The following PRKCH variants were observed in gnomAD, a reference collection of about 807,000 sequenced individuals.
PRKCH encodes protein kinase C eta.
A neutral mutation model predicts 82.5 loss-of-function variants in PRKCH; 28 were observed. The ratio of observed to expected loss-of-function variants is 0.34; its 90% CI spans 0.25 to 0.47. The LOEUF is 0.47. Among genes scored for constraint, PRKCH ranks in the 20% least tolerant of loss-of-function variants. The probability of loss-of-function intolerance (pLI) is 1.00; values close to 1 mark genes in which losing one functional copy is unlikely to be tolerated. For missense variants in PRKCH, 705 were observed against 881.8 expected, an observed-to-expected ratio of 0.80 and a Z score of 2.54; for synonymous variants, 322 against 327.4, an observed-to-expected ratio of 0.98 and a Z score of 0.18.
At chr14:61,329,234 C>CTTTTTTTCTTTTT (rs1476293025) in intron 1 of PRKCH, among the ~76,000 whole-genome samples, 12 of 63,462 alleles carry the variant, frequency 1.9e-4, no homozygotes, top group Non-Finnish European at 2.1e-4. Flanking sequence ...ACTCCTGAGT[C>CTTTTTTTCTTTTT]TTTTTTTTTT....
intron 2 of PRKCH, among the ~76,000 whole-genome samples, chr14:61,408,571 C>T (rs1004305314): frequency 2.0e-5 from 3 of 152,050 alleles, no homozygotes; most frequent in African/African-American, 7.2e-5. Flanking sequence ...CAATGGTTGC[C>T]TTATGTGTAA....
At chr14:61,449,930 A>G (rs887813431) in intron 5 of PRKCH, among the ~76,000 whole-genome samples, 6 of 150,618 alleles carry the variant, frequency 4.0e-5, no homozygotes, top group Admixed American at 1.3e-4. Context: ...GTGTATGTGT[A>G]TAAGCTTCAA....
chr14:61,485,392 A>G, intron 9 of PRKCH, 110 bp from the exon 10 acceptor site: 2 of 1,361,324 alleles, frequency 1.5e-6, no homozygotes, highest in Non-Finnish European at 2.0e-6. Context: ...CCTGGAATAC[A>G]TCCACTTGAC....
intron 10 of PRKCH, among the ~76,000 whole-genome samples, chr14:61,518,539 C>G (rs2042859222): frequency 6.6e-6 from 1 of 152,144 alleles, no homozygotes; most frequent in Non-Finnish European, 1.5e-5. Context: ...GATTGGTACA[C>G]TGAGGATGTT....
At chr14:61,247,767 G>GAAAT (rs2044900429) in intron 1 of PRKCH, among the ~76,000 whole-genome samples, 2 of 119,102 alleles carry the variant, frequency 1.7e-5, no homozygotes, top group East Asian at 5.0e-4. Flanking sequence ...AAGAAAGAAA[G>GAAAT]AAAGGAATTG....
At chr14:61,432,726 C>T (rs968502650) in intron 2 of PRKCH, among the ~76,000 whole-genome samples, 1 of 152,142 alleles carries the variant, frequency 6.6e-6, no homozygotes, top group Non-Finnish European at 1.5e-5. Context: ...TCCAGAAAAG[C>T]CTGCCACCAG....
At chr14:61,229,280 G>T (rs1006619586) in intron 1 of PRKCH, among the ~76,000 whole-genome samples, 2 of 152,156 alleles carry the variant, frequency 1.3e-5, no homozygotes, top group Non-Finnish European at 2.9e-5. Flanking sequence ...TTCATTGAGG[G>T]TTGGTGGGCA....
chr14:61,239,570 C>T (rs766241938), intron 1 of PRKCH, among the ~76,000 whole-genome samples: 3 of 152,246 alleles, frequency 2.0e-5, no homozygotes, highest in Non-Finnish European at 4.4e-5. Flanking sequence ...CTTGCTAAAG[C>T]AGGCTAATGT....
intron 1 of PRKCH, among the ~76,000 whole-genome samples, chr14:61,190,077 G>A (rs995427375): frequency 4.6e-5 from 7 of 152,126 alleles, no homozygotes; most frequent in African/African-American, 1.7e-4. Context: ...TTCTTTATCT[G>A]CAAAACAGAG....
At chr14:61,393,059 G>T (rs998674708) in intron 2 of PRKCH, among the ~76,000 whole-genome samples, 1 of 151,950 alleles carries the variant, frequency 6.6e-6, no homozygotes, top group Non-Finnish European at 1.5e-5. Context: ...TATAATGTGG[G>T]TCTGTTTCTG....
Position 61,435,704 on chromosome 14 carries a change from AAATGAATGAATG to A in PRKCH, c.428-7380_428-7369del, listed in dbSNP as rs3837626. On this transcript the variant is annotated intron_variant, in intron 2 of 13. Transcript: ENST00000332981. ...ATATCAACAAACCTTATCTCAATATAAATGAATGAATGAATGAATGAATGAATGAATGAATGA... is the reference window on the plus strand; with the variant it reads ...ATATCAACAAACCTTATCTCAATATAAATGAATGAATGAATGAATGAATGA... Among the ~76,000 whole-genome samples the A allele has an allele frequency of 4.2e-3, 639 of 150,658 alleles. 2 individuals are homozygous for A. The highest frequency in any genetic ancestry group is 4.3e-3 in the African/African-American group (176 of 40,842).
intron 2 of PRKCH, among the ~76,000 whole-genome samples, chr14:61,417,931 G>T (rs992707469): frequency 1.3e-5 from 2 of 152,198 alleles, no homozygotes; most frequent in African/African-American, 4.8e-5. Flanking sequence ...TTTCTCTACT[G>T]AAAGGGTAGA....
chr14:61,402,708 A>T (rs1394666943), intron 2 of PRKCH, among the ~76,000 whole-genome samples: 1 of 152,120 alleles, frequency 6.6e-6, no homozygotes, highest in Non-Finnish European at 1.5e-5. Context: ...CTGAGGCAGG[A>T]GAATCACTTG....
chr14:61,210,156 A>ATG (rs2044562445), intron 1 of PRKCH, among the ~76,000 whole-genome samples: 1 of 103,436 alleles, frequency 9.7e-6, no homozygotes, highest in Non-Finnish European at 2.0e-5. Context: ...ATATATATAT[A>ATG]TATATAAATT....
At chr14:61,369,146 A>G (rs2046334502) in intron 1 of PRKCH, among the ~76,000 whole-genome samples, 1 of 152,120 alleles carries the variant, frequency 6.6e-6, no homozygotes, top group South Asian at 2.1e-4. Context: ...AACCACTTTC[A>G]GTGGATGCTG....
chr14:61,524,890 A>G (rs544059985), intron 10 of PRKCH, among the ~76,000 whole-genome samples: 8 of 152,330 alleles, frequency 5.3e-5, no homozygotes, highest in Admixed American at 2.0e-4. Flanking sequence ...TCTTGAGTCT[A>G]TCTTTAAGGG....
chr14:61,242,813 T>C (rs995717720), intron 1 of PRKCH, among the ~76,000 whole-genome samples: 16 of 152,192 alleles, frequency 1.1e-4, no homozygotes, highest in African/African-American at 3.6e-4. Flanking sequence ...TAATTTTAAT[T>C]CTTTGTATTT....
chr14:61,261,937 C>A (rs147714899), intron 1 of PRKCH, among the ~76,000 whole-genome samples: 1 of 152,188 alleles, frequency 6.6e-6, no homozygotes, highest in African/African-American at 2.4e-5. Context: ...ATATTCAGAG[C>A]AGCACCGGGC....
chr14:61,248,088 G>A (rs1002970970), intron 1 of PRKCH, among the ~76,000 whole-genome samples: 2 of 152,168 alleles, frequency 1.3e-5, no homozygotes, highest in Admixed American at 1.3e-4. Context: ...TAAACGAAAT[G>A]AGTCAAACAT....
Sources: gnomAD v4.1 joint callset for allele counts (sites outside exome capture counted in the v4.1 genomes callset) on GRCh38, gnomAD v4.1.1 for gene constraint, MANE v1.5 for transcripts, NCBI Gene and HGNC (gene_info 2026-07-23, HGNC 2026-07-21) for gene names.